The following ASCL1 variants were observed in gnomAD, a reference collection of about 807,000 sequenced individuals.
ASCL1 encodes achaete-scute family bHLH transcription factor 1, also known as achaete-scute homolog 1.
A neutral mutation model predicts 16.1 loss-of-function variants in ASCL1; 2 were observed. The observed-to-expected ratio is 0.12, with a 90% CI of 0.05 to 0.39. The LOEUF is 0.39. ASCL1 is among the 10% of genes least tolerant of loss of function. The pLI is 0.99. For missense variants in ASCL1, 276 were observed against 336.9 expected (o/e 0.82, Z 1.41); for synonymous variants, 165 against 155.7 (o/e 1.06, Z -0.45).
At position 102,958,274 on chromosome 12, in the gene ASCL1, C is replaced by A; in HGVS notation, c.30C>A (p.Gly10=). Residue 10 remains glycine, a synonymous_variant, in exon 1 of 2, where the codon GGC becomes GGA. Coordinates refer to ENST00000266744, the MANE Select transcript of ASCL1 (RefSeq NM_004316.4). The stretch of plus-strand genomic sequence containing the variant: ...AAAGCTCTGCCAAGATGGAGAGCGG[C>A]GGCGCCGGCCAGCAGCCCCAGCCGC... MESSAKMES[G]GAGQQPQPQP... is the part of the protein sequence containing the mutation. 3 of 1,474,232 alleles carry A rather than the reference C, an allele frequency of 2.0e-6. No individual in the cohort carries two copies. Among genetic ancestry groups the A allele is most frequent in the Non-Finnish European group, 2.7e-6 (3 of 1,117,454 alleles). The allele number at this position is 1,474,232 out of a possible 1,614,324, so 91.3% of individuals were successfully genotyped here.
rs1020678605 is a variant in ASCL1, at chr12:102,958,823, C to T, written c.579C>T (p.Ile193=). 19 of 1,613,668 alleles carry T rather than the reference C, an allele frequency of 1.2e-5. No individual in the cohort carries two copies. Among genetic ancestry groups the T allele is most frequent in the South Asian group, 2.2e-5 (2 of 91,070 alleles). Residue 193 remains isoleucine, a synonymous_variant, in exon 1 of 2, where the codon ATC becomes ATT. Transcript: ENST00000266744. Reference sequence around the variant, plus strand: ...AGGCAGGCGTCCTGTCGCCCACCATCTCCCCCAACTACTCCAACGACTTGA... The same window carrying T: ...AGGCAGGCGTCCTGTCGCCCACCATTTCCCCCAACTACTCCAACGACTTGA... ...AFQAGVLSPT[I]SPNYSNDLNS... is the part of the protein sequence containing the mutation.
chr12:102,958,157 C>G lies in ASCL1; in HGVS notation c.-88C>G. 4 of 1,046,096 alleles carry G rather than the reference C, an allele frequency of 3.8e-6. No homozygotes were observed. Among genetic ancestry groups the G allele is most frequent in the Non-Finnish European group, 5.1e-6 (4 of 783,644 alleles). The allele number at this position is 1,046,096 out of a possible 1,614,324, so 64.8% of individuals were successfully genotyped here. A position where few individuals can be genotyped will look rare whatever the true frequency, so the allele number is the denominator to read the frequency against. On this transcript the variant is annotated 5_prime_UTR_variant, in exon 1 of 2. Coordinates refer to ENST00000266744, the MANE Select transcript of ASCL1 (RefSeq NM_004316.4). ...TTTTCTTTCCCTCTCTGTTCCTGCACCCAAGTTCTCTCTGTGTCCCCCTCG... is the reference window on the plus strand; with the variant it reads ...TTTTCTTTCCCTCTCTGTTCCTGCAGCCAAGTTCTCTCTGTGTCCCCCTCG...
chr12:102,958,325 C>T lies in ASCL1; in HGVS notation c.81C>T (p.Pro27=), dbSNP rs1327140141. ...AGCCCCAGCAGCCCTTCCTGCCGCCCGCAGCCTGTTTCTTTGCCACGGCCG... is the reference window on the plus strand; with the variant it reads ...AGCCCCAGCAGCCCTTCCTGCCGCCTGCAGCCTGTTTCTTTGCCACGGCCG... ...QPQPQQPFLP[P]AACFFATAAA... The change falls in exon 1 of 2, where the codon CCC becomes CCT. Residue 27 remains proline, a synonymous_variant. Transcript: ENST00000266744. The T allele has an allele frequency of 1.4e-6, 2 of 1,472,642 alleles. No homozygotes were observed. Among genetic ancestry groups the T allele is most frequent in the South Asian group, 1.3e-5 (1 of 75,706 alleles). The allele number at this position is 1,472,642 out of a possible 1,614,324, so 91.2% of individuals were successfully genotyped here.
Position 102,958,489 on chromosome 12 carries a change from C to T in ASCL1, c.245C>T (p.Ala82Val), listed in dbSNP as rs750498383. ...GQPSGGGHKS[A>V]PKQVKRQRSS... ...CCCTCAGGGGGCGGTCACAAGTCAG[C>T]GCCCAAGCAAGTCAAGCGACAGCGC... Residue 82 changes from alanine to valine, a missense_variant, in exon 1 of 2, where the codon GCG becomes GTG. Physicochemically the swap from Ala to Val is moderately conservative, Grantham distance 64 (BLOSUM62 0). Around this residue, in one of 3 missense-constraint regions of ASCL1, gnomAD observed 178 missense variants for 167.0 expected, o/e 1.07. Coordinates refer to ENST00000266744, the MANE Select transcript of ASCL1 (RefSeq NM_004316.4). The T allele has an allele frequency of 2.5e-6, 4 of 1,590,142 alleles. No homozygotes were observed. The highest frequency in any genetic ancestry group is 1.7e-6 in the Non-Finnish European group (2 of 1,168,964).
Position 102,958,188 on chromosome 12 carries a change from C to A in ASCL1, c.-57C>A. On this transcript the variant is annotated 5_prime_UTR_variant, in exon 1 of 2. Transcript: ENST00000266744. ...TTCTCTCTGTGTCCCCCTCGCGGGC[C>A]CCGCACCTCGCGTCCCGGATCGCTC... is the stretch of plus-strand genomic sequence containing the variant. The A allele has an allele frequency of 4.4e-6, 6 of 1,366,744 alleles. No individual in the cohort carries two copies. Among genetic ancestry groups the A allele is most frequent in the Non-Finnish European group, 5.7e-6 (6 of 1,050,142 alleles). The allele number at this position is 1,366,744 out of a possible 1,614,324, so 84.7% of individuals were successfully genotyped here.
rs111534683 is a variant in ASCL1, at chr12:102,960,370, G to A, written c.*1056G>A. 4 of 151,996 alleles carry A rather than the reference G, an allele frequency of 2.6e-5. No individual in the cohort carries two copies. The highest frequency in any genetic ancestry group is 7.3e-5 in the African/African-American group (3 of 41,288). 9.4% of individuals were successfully genotyped at this position (151,996 alleles called of 1,614,324 possible). A position where few individuals can be genotyped will look rare whatever the true frequency, so the allele number is the denominator to read the frequency against. The stretch of plus-strand genomic sequence containing the variant: ...CCAAACTCAAAGTGGCAGCCAGTTG[G>A]TTTTGATAGGTTGCCTTTTGGAGAT... On this transcript the variant is annotated 3_prime_UTR_variant, in exon 2 of 2. Coordinates refer to ENST00000266744, the MANE Select transcript of ASCL1 (RefSeq NM_004316.4).
At position 102,958,081 on chromosome 12, in the gene ASCL1, G is replaced by C; in HGVS notation, c.-164G>C. 2.1e-6 allele frequency: 1 copy of C among 483,510 alleles called. No homozygotes were observed. The highest frequency in any genetic ancestry group is 3.4e-6 in the Non-Finnish European group (1 of 297,470). The allele number at this position is 483,510 out of a possible 1,614,324, so 30.0% of individuals were successfully genotyped here. A position where few individuals can be genotyped will look rare whatever the true frequency, so the allele number is the denominator to read the frequency against. ...CTCCCACTCTAAGAAGTCTCCCGGG[G>C]ATTTTGTATATATTTTTTAACTTCC... On this transcript the variant is annotated 5_prime_UTR_variant, in exon 1 of 2. Coordinates refer to ENST00000266744, the MANE Select transcript of ASCL1 (RefSeq NM_004316.4).
Position 102,958,271 on chromosome 12 carries a change from C to G in ASCL1, c.27C>G (p.Ser9Arg), listed in dbSNP as rs762725427. Residue 9 changes from serine to arginine, a missense_variant, in exon 1 of 2, where the codon AGC becomes AGG. Physicochemically the swap from Ser to Arg is moderately radical, Grantham distance 110 (BLOSUM62 -1). Around this residue, in one of 3 missense-constraint regions of ASCL1, gnomAD observed 178 missense variants for 167.0 expected, o/e 1.07. Transcript: ENST00000266744. ...TGGAAAGCTCTGCCAAGATGGAGAG[C>G]GGCGGCGCCGGCCAGCAGCCCCAGC... MESSAKMESGGAGQQPQPQ... is the reference protein window; with the variant it reads MESSAKMERGGAGQQPQPQ... 30 of 1,473,792 alleles carry G rather than the reference C, an allele frequency of 2.0e-5. No homozygotes were observed. The highest frequency in any genetic ancestry group is 5.9e-5 in the African/African-American group (4 of 68,332). 91.3% of individuals were successfully genotyped at this position (1,473,792 alleles called of 1,614,324 possible).
chr12:102,958,523 G>A lies in ASCL1; in HGVS notation c.279G>A (p.Ser93=). Residue 93 remains serine, a synonymous_variant, in exon 1 of 2, where the codon TCG becomes TCA. Transcript: ENST00000266744. ...PKQVKRQRSS[S]PELMRCKRRL... is the part of the protein sequence containing the mutation. ...AAGTCAAGCGACAGCGCTCGTCTTCGCCCGAACTGATGCGCTGCAAACGCC... is the reference window on the plus strand; with the variant it reads ...AAGTCAAGCGACAGCGCTCGTCTTCACCCGAACTGATGCGCTGCAAACGCC... The A allele has an allele frequency of 6.2e-7, 1 of 1,608,360 alleles. No individual in the cohort carries two copies. Among genetic ancestry groups the A allele is most frequent in the Non-Finnish European group, 8.5e-7 (1 of 1,177,682 alleles).
At position 102,958,676 on chromosome 12, in the gene ASCL1, C is replaced by A. The variant is rs779740401; in HGVS notation, c.432C>A (p.His144Gln). ...TGGGCTTTGCCACCCTTCGGGAGCA[C>A]GTCCCCAACGGCGCGGCCAACAAGA... ...VNLGFATLRE[H>Q]VPNGAANKKM... Residue 144 changes from histidine to glutamine, a missense_variant, in exon 1 of 2, where the codon CAC (histidine) becomes CAA (glutamine). By Grantham distance (24) the His-to-Gln change is conservative (BLOSUM62 0). Transcript: ENST00000266744. 1 of 1,614,026 alleles carries A rather than the reference C, an allele frequency of 6.2e-7. No homozygotes were observed. The highest frequency in any genetic ancestry group is 8.5e-7 in the Non-Finnish European group (1 of 1,179,984).
Position 102,958,455 on chromosome 12 carries a change from G to A in ASCL1, c.211G>A (p.Asp71Asn), listed in dbSNP as rs770692196. ...GGCGCCGCAGCTGAGACCGGCGGCC[G>A]ACGGCCAGCCCTCAGGGGGCGGTCA... ...QQAPQLRPAA[D>N]GQPSGGGHKS... Residue 71 changes from aspartate to asparagine, a missense_variant, in exon 1 of 2, where the codon GAC (aspartate) becomes AAC (asparagine). Transcript: ENST00000266744. The A allele has an allele frequency of 3.2e-6, 5 of 1,561,000 alleles. No homozygotes were observed. In the South Asian group the frequency reaches 5.9e-5, roughly 18 times the overall value.
Position 102,958,344 on chromosome 12 carries a change from A to G in ASCL1, c.100A>G (p.Thr34Ala), listed in dbSNP as rs1644729184. Residue 34 changes from threonine (T) to alanine (A), a missense_variant, in exon 1 of 2, where the codon ACG becomes GCG. This residue lies in a region of ASCL1 where 178 missense variants were observed against 167.0 expected (regional missense o/e 1.07). Coordinates refer to ENST00000266744, the MANE Select transcript of ASCL1 (RefSeq NM_004316.4). ...GCCGCCCGCAGCCTGTTTCTTTGCC[A>G]CGGCCGCAGCCGCGGCGGCCGCAGC... ...FLPPAACFFA[T>A]AAAAAAAAAA... 1 of 1,453,698 alleles carries G rather than the reference A, an allele frequency of 6.9e-7. No individual in the cohort carries two copies. The highest frequency in any genetic ancestry group is 9.0e-7 in the Non-Finnish European group (1 of 1,107,812). 90.0% of individuals were successfully genotyped at this position (1,453,698 alleles called of 1,614,324 possible). A position where few individuals can be genotyped will look rare whatever the true frequency, so the allele number is the denominator to read the frequency against.
chr12:102,958,666 T>C lies in ASCL1; in HGVS notation c.422T>C (p.Leu141Pro). ...VKLVNLGFAT[L>P]REHVPNGAAN... Reference sequence around the variant, plus strand: ...TTGGTCAACCTGGGCTTTGCCACCCTTCGGGAGCACGTCCCCAACGGCGCG... The same window carrying C: ...TTGGTCAACCTGGGCTTTGCCACCCCTCGGGAGCACGTCCCCAACGGCGCG... Residue 141 changes from leucine (L) to proline (P), a missense_variant, in exon 1 of 2, where the codon CTT (leucine) becomes CCT (proline). By Grantham distance (98) the Leu-to-Pro change is moderately conservative. Around this residue, in one of 3 missense-constraint regions of ASCL1, gnomAD observed 30 missense variants for 83.2 expected, o/e 0.36. Coordinates refer to ENST00000266744, the MANE Select transcript of ASCL1 (RefSeq NM_004316.4). 6.2e-7 allele frequency: 1 copy of C among 1,613,990 alleles called. No individual in the cohort carries two copies. The highest frequency in any genetic ancestry group is 8.5e-7 in the Non-Finnish European group (1 of 1,179,970).
chr12:102,959,076 G>C, intron 1 of ASCL1, 74 bp downstream of exon 1: 2 of 1,459,014 alleles, frequency 1.4e-6, no homozygotes, highest in South Asian at 2.4e-5. Context: ...TGGAAGTGGG[G>C]ATGTCTCCAA....
chr12:102,958,547 C>T lies in ASCL1; in HGVS notation c.303C>T (p.Arg101=). The T allele has an allele frequency of 6.2e-7, 1 of 1,610,370 alleles. No homozygotes were observed. Among genetic ancestry groups the T allele is most frequent in the Non-Finnish European group, 8.5e-7 (1 of 1,178,476 alleles). ...SSSPELMRCK[R]RLNFSGFGYS... ...CGCCCGAACTGATGCGCTGCAAACG[C>T]CGGCTCAACTTCAGCGGCTTTGGCT... Residue 101 remains arginine (R), a synonymous_variant, in exon 1 of 2, where the codon CGC becomes CGT. Coordinates refer to ENST00000266744, the MANE Select transcript of ASCL1 (RefSeq NM_004316.4).
chr12:102,959,290 G>T (rs1212975329), intron 1 of ASCL1, 72 bp from the exon 2 acceptor site: 1 of 372,862 alleles, frequency 2.7e-6, no homozygotes, highest in Non-Finnish European at 5.0e-6. Flanking sequence ...TCTTTCCCCA[G>T]ACCTCCATCT....
chr12:102,959,249 A>G, intron 1 of ASCL1, 113 bp from the exon 2 acceptor site: 1 of 469,142 alleles, frequency 2.1e-6, no homozygotes, highest in Non-Finnish European at 3.9e-6. Flanking sequence ...GAATACTGGG[A>G]CATGTTAAAA....
At position 102,958,790 on chromosome 12, in the gene ASCL1, C is replaced by A. The variant is rs112254340; in HGVS notation, c.546C>A (p.Ala182=). ...TGGACGAGCATGACGCGGTGAGCGC[C>A]GCCTTCCAGGCAGGCGTCCTGTCGC... is the stretch of plus-strand genomic sequence containing the variant. ...QLLDEHDAVS[A]AFQAGVLSPT... Residue 182 remains alanine, a synonymous_variant, in exon 1 of 2, where the codon GCC becomes GCA. Coordinates refer to ENST00000266744, the MANE Select transcript of ASCL1 (RefSeq NM_004316.4). 19 of 1,614,070 alleles carry A rather than the reference C, an allele frequency of 1.2e-5. No homozygotes were observed. The highest frequency in any genetic ancestry group is 1.6e-5 in the Non-Finnish European group (19 of 1,179,992).
At chr12:102,959,121 A>AGGCCGGGCGCGGTGGCTCACGCCTGT in intron 1 of ASCL1, 119 bp downstream of exon 1, 1 of 1,194,142 alleles carries the variant, frequency 8.4e-7, no homozygotes, top group Non-Finnish European at 1.1e-6. Flanking sequence ...AGAATTTGTG[A>AGGCCGGGCGCGGTGGCTCACGCCTGT]AAGTTGGTCG....
Sources: allele counts gnomAD v4.1 joint callset, GRCh38; gene constraint gnomAD v4.1.1; regional missense constraint gnomAD v4.1.1; transcripts MANE v1.5; gene names NCBI Gene and HGNC (gene_info 2026-07-23, HGNC 2026-07-21).